Variants in THSD7A observed in about 807,000 individuals in gnomAD.
THSD7A encodes the protein thrombospondin type 1 domain containing 7A.
In THSD7A, 96 loss-of-function variants were observed where a neutral mutation model predicts 231.3. The observed-to-expected ratio is 0.41, with a 90% confidence interval of 0.35 to 0.49. The LOEUF (loss-of-function observed/expected upper bound fraction) is 0.49, where lower values mean the gene tolerates loss of function less well. Ranked by LOEUF, THSD7A falls within the 20% of genes least tolerant of loss-of-function variation. The pLI, the probability that THSD7A is intolerant of heterozygous loss-of-function variation, is 0.05. For synonymous variants in THSD7A, 940 were observed against 743.3 expected (o/e 1.26, Z -4.30); for missense variants, 2,290 against 2,070.2 (o/e 1.11, Z -2.06).
intron 26 of THSD7A, chr7:11,378,841 CA>C: frequency 2.0e-6 from 1 of 505,370 alleles, no homozygotes; most frequent in East Asian, 3.3e-5. Flanking sequence ...TATATTGATC[CA>C]AAATTTTTTC....
chr7:11,688,969 GA>G (rs1365378103), intron 1 of THSD7A, among the ~76,000 whole-genome samples: 4 of 151,372 alleles, frequency 2.6e-5, no homozygotes, highest in South Asian at 2.1e-4. Context: ...AAGAAAAATA[GA>G]AAAAAAAGTT....
intron 9 of THSD7A, among the ~76,000 whole-genome samples, chr7:11,465,728 G>GA: frequency 6.6e-6 from 1 of 152,142 alleles, no homozygotes; most frequent in East Asian, 1.9e-4. Flanking sequence ...AGGACATGAG[G>GA]AAGAAGCCTC....
At chr7:11,553,525 C>T (rs1789718662) in intron 4 of THSD7A, among the ~76,000 whole-genome samples, 1 of 152,046 alleles carries the variant, frequency 6.6e-6, no homozygotes. Flanking sequence ...CCAGTTCTTA[C>T]TCTTGTATAA....
rs7790899 is a variant in THSD7A at position 11,696,261 on chromosome 7, T to C, written c.191-59300A>G. Among the ~76,000 whole-genome samples the C allele has an allele frequency of 2.4e-3, 369 of 151,478 alleles. 1 individual carries two copies. Among genetic ancestry groups the C allele is most frequent in the African/African-American group, 8.2e-3 (341 of 41,426 alleles). The stretch of plus-strand genomic sequence containing the variant: ...TGGAAATTAAACCCATAAATGAGAG[T>C]AAAATTGCCAATGGATAATATGTGG... On this transcript the variant is annotated intron_variant, in intron 1 of 27. Coordinates refer to ENST00000423059, the MANE Select transcript of THSD7A (RefSeq NM_015204.3).
At position 11,474,855 on chromosome 7, in the gene THSD7A, G is replaced by C. The variant is rs1231744407; in HGVS notation, c.2018-287C>G. On this transcript the variant is annotated intron_variant, in intron 7 of 27. Transcript: ENST00000423059. This position sits in a 1 kb window ranked among gnomAD's most constrained non-coding sequence, Gnocchi z 4.1. Reference sequence around the variant, plus strand: ...CTAGATAGAATGAAATAATTATATTGTGCGGTATTTAGTATAACTGGGATT... The same window carrying C: ...CTAGATAGAATGAAATAATTATATTCTGCGGTATTTAGTATAACTGGGATT... Among the ~76,000 whole-genome samples, 1 of 152,110 alleles carries C rather than the reference G, an allele frequency of 6.6e-6. No homozygotes were observed. Among genetic ancestry groups the C allele is most frequent in the African/African-American group, 2.4e-5 (1 of 41,426 alleles).
At chr7:11,380,035 G>T (rs965581807) in intron 24 of THSD7A, among the ~76,000 whole-genome samples, 1 of 152,146 alleles carries the variant, frequency 6.6e-6, no homozygotes, top group African/African-American at 2.4e-5. Context: ...ATGAATCCAA[G>T]TCCAGCAATT....
intron 7 of THSD7A, among the ~76,000 whole-genome samples, chr7:11,476,780 A>C (rs1263270600): frequency 6.7e-6 from 1 of 148,952 alleles, no homozygotes; most frequent in East Asian, 2.0e-4. Flanking sequence ...GGGCCACTGC[A>C]CTCCAGCCTG....
At chr7:11,793,590 T>C (rs1355469522) in intron 1 of THSD7A, among the ~76,000 whole-genome samples, 1 of 151,508 alleles carries the variant, frequency 6.6e-6, no homozygotes, top group Non-Finnish European at 1.5e-5. Flanking sequence ...ATGAAAAAAA[T>C]GAAGAAACAT....
chr7:11,530,284 T>C (rs926227450), intron 6 of THSD7A, among the ~76,000 whole-genome samples: 4 of 152,298 alleles, frequency 2.6e-5, no homozygotes, highest in African/African-American at 7.2e-5. Context: ...TAATAGGGTG[T>C]GCAATTTGGT....
chr7:11,474,059 T>C lies in THSD7A; in HGVS notation c.2252+275A>G, dbSNP rs1438692940. Among the ~76,000 whole-genome samples, 2 of 152,134 alleles carry C rather than the reference T, an allele frequency of 1.3e-5. No homozygotes were observed. Among genetic ancestry groups the C allele is most frequent in the Non-Finnish European group, 2.9e-5 (2 of 68,014 alleles). On this transcript the variant is annotated intron_variant, in intron 8 of 27. Transcript: ENST00000423059. The surrounding 1 kb of genome is among the most constrained non-coding windows in gnomAD (Gnocchi z 4.1). ...AGGCTTACGGCAAGCACTTCTTTCA[T>C]TGCCTCACTAGCTTAATAAAAGCAG... is the stretch of plus-strand genomic sequence containing the variant.
chr7:11,775,177 A>G (rs1281365398), intron 1 of THSD7A, among the ~76,000 whole-genome samples: 4 of 152,250 alleles, frequency 2.6e-5, no homozygotes, highest in African/African-American at 9.6e-5. Context: ...GATGGCTTTA[A>G]AAAACGGCAC....
intron 2 of THSD7A, among the ~76,000 whole-genome samples, chr7:11,607,680 T>A (rs1174764075): frequency 6.6e-6 from 1 of 152,154 alleles, no homozygotes; most frequent in Non-Finnish European, 1.5e-5. Flanking sequence ...CCTGAATGAA[T>A]TTTACTCTCT....
intron 1 of THSD7A, among the ~76,000 whole-genome samples, chr7:11,758,775 T>C (rs571007955): frequency 7.9e-5 from 12 of 152,214 alleles, no homozygotes; most frequent in African/African-American, 2.6e-4. Flanking sequence ...AAAGTTTTTC[T>C]GTAGATGACC....
intron 1 of THSD7A, among the ~76,000 whole-genome samples, chr7:11,798,764 C>T (rs116100716): frequency 0.017 from 2,603 of 152,148 alleles, 71 homozygotes; most frequent in African/African-American, 0.059. Context: ...TCAAAAATGA[C>T]ACCATGCAGA....
chr7:11,657,321 A>G (rs1044294375), intron 1 of THSD7A, among the ~76,000 whole-genome samples: 5 of 151,748 alleles, frequency 3.3e-5, no homozygotes, highest in Non-Finnish European at 2.9e-5. Context: ...TTGTTTAGGT[A>G]CAATTGTGAA....
chr7:11,391,321 G>A lies in THSD7A; in HGVS notation c.4412-8705C>T, dbSNP rs74652835. Among the ~76,000 whole-genome samples, 180 of 152,298 alleles carry A rather than the reference G, an allele frequency of 1.2e-3. 1 individual carries two copies. The East Asian group carries it at 0.028, about 24-fold the overall frequency. On this transcript the variant is annotated intron_variant, in intron 23 of 27. Coordinates refer to ENST00000423059, the MANE Select transcript of THSD7A (RefSeq NM_015204.3). ...CCAGAGAGGAGGAATCTAGAAAGGC[G>A]GTCTGGCCACAGCAGACTTGCTGAG...
At chr7:11,519,812 CT>C in intron 6 of THSD7A, among the ~76,000 whole-genome samples, 1 of 152,274 alleles carries the variant, frequency 6.6e-6, no homozygotes, top group Middle Eastern at 3.4e-3. Flanking sequence ...TCAAGTAAAT[CT>C]AGTCTATTCA....
At chr7:11,595,725 T>C (rs1368521931) in intron 2 of THSD7A, among the ~76,000 whole-genome samples, 1 of 152,232 alleles carries the variant, frequency 6.6e-6, no homozygotes, top group African/African-American at 2.4e-5. Flanking sequence ...CAGTAATTGC[T>C]CTTCTCTGTA....
intron 9 of THSD7A, among the ~76,000 whole-genome samples, chr7:11,463,421 C>T (rs1348288127): frequency 6.6e-6 from 1 of 152,094 alleles, no homozygotes; most frequent in African/African-American, 2.4e-5. Flanking sequence ...ACTACTAAAT[C>T]AGAATCTGGA....
Sources: allele counts gnomAD v4.1 joint callset (sites outside exome capture counted in the v4.1 genomes callset), GRCh38; gene constraint gnomAD v4.1.1; non-coding constraint Gnocchi (gnomAD v3.1); transcripts MANE v1.5; gene names NCBI Gene and HGNC (gene_info 2026-07-23, HGNC 2026-07-21).